Variants in SENP7 observed in about 807,000 individuals in gnomAD.
The protein encoded by SENP7 is sentrin-specific protease 7.
SENP7 carries 64 observed loss-of-function variants against 141.2 expected under a neutral mutation model. That is an observed-to-expected ratio of 0.45 (90% CI 0.37 to 0.56). The LOEUF (loss-of-function observed/expected upper bound fraction) is 0.56. Among genes scored for constraint, SENP7 ranks in the 20% least tolerant of loss-of-function variants. The pLI is 0.00. For synonymous variants in SENP7, 382 were observed against 426.4 expected, an observed-to-expected ratio of 0.90 and a Z score of 1.28; for missense variants, 1,025 against 1,212.2, an observed-to-expected ratio of 0.85 and a Z score of 2.29.
At chr3:101,508,420 C>A (rs1465317334) in intron 1 of SENP7, among the ~76,000 whole-genome samples, 2 of 152,006 alleles carry the variant, frequency 1.3e-5, no homozygotes, top group African/African-American at 2.4e-5. Flanking sequence ...CATGGTGAAA[C>A]CCCATCTCTA....
At chr3:101,331,648 G>A (rs1406221125) in intron 19 of SENP7, among the ~76,000 whole-genome samples, 1 of 152,018 alleles carries the variant, frequency 6.6e-6, no homozygotes, top group African/African-American at 2.4e-5. Flanking sequence ...AGTGGTCACA[G>A]AGGAGATTAT....
At chr3:101,437,947 TAAC>T (rs2062453877) in intron 4 of SENP7, among the ~76,000 whole-genome samples, 1 of 149,078 alleles carries the variant, frequency 6.7e-6, no homozygotes, top group African/African-American at 2.5e-5. Context: ...AAACAGAAAG[TAAC>T]AAGTGTTGAT....
intron 3 of SENP7, among the ~76,000 whole-genome samples, chr3:101,463,364 AATATATATATATATATATAT>A (rs71625265): frequency 1.6e-4 from 14 of 89,222 alleles, no homozygotes; most frequent in East Asian, 3.2e-4. Context: ...TAAATAAATA[AATATATATATATATATATAT>A]ATATATATAT....
At chr3:101,453,807 G>GTA (rs2063247607) in intron 4 of SENP7, among the ~76,000 whole-genome samples, 2 of 151,744 alleles carry the variant, frequency 1.3e-5, no homozygotes, top group South Asian at 4.2e-4. Flanking sequence ...CATGGCACAT[G>GTA]TATACATATG....
At chr3:101,360,348 C>T (rs1418970844) in intron 11 of SENP7, among the ~76,000 whole-genome samples, 1 of 152,140 alleles carries the variant, frequency 6.6e-6, no homozygotes, top group African/African-American at 2.4e-5. Context: ...CTCTGTGAAG[C>T]CTTTCCTGAT....
chr3:101,440,656 T>G (rs1457583641), intron 4 of SENP7, among the ~76,000 whole-genome samples: 1 of 150,220 alleles, frequency 6.7e-6, no homozygotes, highest in South Asian at 2.1e-4. Context: ...GAGAAAGTTT[T>G]CCAACTCATT....
At chr3:101,332,439 G>A (rs1007368954) in intron 18 of SENP7, among the ~76,000 whole-genome samples, 1 of 151,696 alleles carries the variant, frequency 6.6e-6, no homozygotes, top group Admixed American at 6.6e-5. Flanking sequence ...GTTTTCTTAA[G>A]TATTTGAAGA....
intron 6 of SENP7, among the ~76,000 whole-genome samples, chr3:101,394,142 T>A (rs145495379): frequency 1.3e-5 from 2 of 152,334 alleles, no homozygotes; most frequent in East Asian, 3.9e-4. Flanking sequence ...TTTATAATTC[T>A]ACTCTCTGCC....
intron 13 of SENP7, among the ~76,000 whole-genome samples, chr3:101,346,024 AC>A (rs2107226908): frequency 6.6e-6 from 1 of 152,334 alleles, no homozygotes; most frequent in South Asian, 2.1e-4. Context: ...TATGCATCCA[AC>A]AAAGGACTAA....
At chr3:101,369,768 C>A (rs2060129217) in intron 7 of SENP7, among the ~76,000 whole-genome samples, 1 of 152,030 alleles carries the variant, frequency 6.6e-6, no homozygotes, top group Non-Finnish European at 1.5e-5. Flanking sequence ...ATCAGTCAAG[C>A]CTGTCTCATG....
intron 4 of SENP7, among the ~76,000 whole-genome samples, chr3:101,426,706 G>A (rs1324659746): frequency 2.6e-5 from 4 of 151,804 alleles, no homozygotes; most frequent in Non-Finnish European, 4.4e-5. Flanking sequence ...GATCTTGAAC[G>A]CCAGACCTCA....
At chr3:101,399,100 G>T in intron 5 of SENP7, 45 bp from the exon 6 acceptor site, 1 of 1,243,848 alleles carries the variant, frequency 8.0e-7, no homozygotes, top group Non-Finnish European at 1.1e-6. Flanking sequence ...GAAGTTTTCA[G>T]TTAAAAAAAA....
chr3:101,436,256 T>C (rs1416552265), intron 4 of SENP7, among the ~76,000 whole-genome samples: 1 of 152,286 alleles, frequency 6.6e-6, no homozygotes, highest in African/African-American at 2.4e-5. Context: ...TCTCTCATCA[T>C]ATACATAAAT....
chr3:101,398,789 T>C, intron 6 of SENP7, 72 bp downstream of exon 6: 1 of 1,094,612 alleles, frequency 9.1e-7, no homozygotes, highest in Non-Finnish European at 1.3e-6. Context: ...ATAATGTATC[T>C]GTGAAAAAGA....
At chr3:101,459,177 A>T in intron 3 of SENP7, 125 bp from the exon 4 acceptor site, 1 of 494,884 alleles carries the variant, frequency 2.0e-6, no homozygotes, top group Admixed American at 3.5e-5. Context: ...GAGAAAAATA[A>T]TAAGTGCAAT....
chr3:101,367,080 T>C (rs1163825588), intron 8 of SENP7, among the ~76,000 whole-genome samples: 1 of 152,194 alleles, frequency 6.6e-6, no homozygotes, highest in Non-Finnish European at 1.5e-5. Context: ...TATTTACATA[T>C]TTTTATTTTG....
rs542251761 is a variant in SENP7 at position 101,482,531 on chromosome 3, C to T, written c.186+11342G>A. 2.0e-5 allele frequency among the ~76,000 whole-genome samples: 3 copies of T among 152,122 alleles called. No individual in the cohort carries two copies. The East Asian group carries it at 5.8e-4, about 29-fold the overall frequency. Reference sequence around the variant, plus strand: ...TTCAATGCAATGTCAATCAAAATCCCAGCAAGTTACTTTGTGGATATCAAC... The same window carrying T: ...TTCAATGCAATGTCAATCAAAATCCTAGCAAGTTACTTTGTGGATATCAAC... On this transcript the variant is annotated intron_variant, in intron 3 of 23. Coordinates refer to ENST00000394095, the MANE Select transcript of SENP7 (RefSeq NM_020654.5).
chr3:101,404,745 C>G (rs1486595333), intron 5 of SENP7, among the ~76,000 whole-genome samples: 4 of 152,012 alleles, frequency 2.6e-5, no homozygotes, highest in Non-Finnish European at 5.9e-5. Context: ...GCAAACAATC[C>G]CATTACAAAG....
At chr3:101,425,161 T>A (rs1456580822) in intron 4 of SENP7, among the ~76,000 whole-genome samples, 1 of 152,156 alleles carries the variant, frequency 6.6e-6, no homozygotes, top group Non-Finnish European at 1.5e-5. Context: ...AAGAACACAC[T>A]AATACACTAC....
Sources: gnomAD v4.1 joint callset for allele counts (sites outside exome capture counted in the v4.1 genomes callset) on GRCh38, gnomAD v4.1.1 for gene constraint, MANE v1.5 for transcripts, NCBI Gene and HGNC (gene_info 2026-07-23, HGNC 2026-07-21) for gene names.